The following ZNF407 variants were observed in gnomAD, a reference collection of about 807,000 sequenced individuals.
ZNF407 encodes zinc finger protein 407.
ZNF407 carries 17 observed loss-of-function variants against 131.2 expected under a neutral mutation model. The observed-to-expected ratio is 0.13, with a 90% CI of 0.09 to 0.19. The LOEUF is 0.19. ZNF407 is among the 10% of genes least tolerant of loss of function. The pLI is 1.00. For synonymous variants in ZNF407, 1,156 were observed against 1,062.0 expected, an observed-to-expected ratio of 1.09 and a Z score of -1.72; for missense variants, 2,681 against 2,830.6, an observed-to-expected ratio of 0.95 and a Z score of 1.20.
intron 3 of ZNF407, among the ~76,000 whole-genome samples, chr18:74,778,755 C>T (rs1450214441): frequency 2.0e-5 from 3 of 151,968 alleles, no homozygotes; most frequent in African/African-American, 7.3e-5. Context: ...ATGACTTGAA[C>T]GGTCTGTGTT....
rs527360978 is a variant in ZNF407, at chr18:74,891,700, A to G, written c.5249+1662A>G. 8.5e-5 allele frequency among the ~76,000 whole-genome samples: 13 copies of G among 152,318 alleles called. No individual in the cohort carries two copies. In the South Asian group the frequency reaches 2.1e-3, roughly 24 times the overall value. On this transcript the variant is annotated intron_variant, in intron 7 of 8. Coordinates refer to ENST00000299687, the MANE Select transcript of ZNF407 (RefSeq NM_017757.3). ...GCTCATAATATGGGTTCTTTAAAAA[A>G]CAAACATTATTAAATGTTCTTTTTC...
chr18:74,704,073 C>T (rs552331150), intron 3 of ZNF407, among the ~76,000 whole-genome samples: 1 of 152,236 alleles, frequency 6.6e-6, no homozygotes, highest in East Asian at 1.9e-4. Flanking sequence ...GACATTTCAT[C>T]TCATGTGTCC....
At chr18:74,963,663 CCA>C (rs1972375616) in intron 8 of ZNF407, among the ~76,000 whole-genome samples, 1 of 152,182 alleles carries the variant, frequency 6.6e-6, no homozygotes, top group African/African-American at 2.4e-5. Context: ...GCAAATTATT[CCA>C]CATTTTATTG....
At chr18:74,997,790 T>A (rs1241058587) in intron 8 of ZNF407, among the ~76,000 whole-genome samples, 1 of 152,214 alleles carries the variant, frequency 6.6e-6, no homozygotes. Context: ...CGTAGTCACT[T>A]TTTTTTACTT....
rs995450344 is a variant in ZNF407 at position 75,065,404 on chromosome 18, C to G, written c.*936C>G. On this transcript the variant is annotated 3_prime_UTR_variant, in exon 9 of 9. Transcript: ENST00000299687. ...ACATTAAACATTAACACATGGAGACCGTGCCCTGTGGCCCTGCCGTGGCTG... is the reference window on the plus strand; with the variant it reads ...ACATTAAACATTAACACATGGAGACGGTGCCCTGTGGCCCTGCCGTGGCTG... 3 of 152,326 alleles carry G rather than the reference C, an allele frequency of 2.0e-5. No homozygotes were observed. In the East Asian group the frequency reaches 5.8e-4, roughly 29 times the overall value. The allele number at this position is 152,326 out of a possible 1,614,324, so 9.4% of individuals were successfully genotyped here.
intron 3 of ZNF407, among the ~76,000 whole-genome samples, chr18:74,685,169 A>G (rs1036213655): frequency 3.3e-5 from 5 of 152,210 alleles, no homozygotes; most frequent in Non-Finnish European, 5.9e-5. Flanking sequence ...TATAAAGGTC[A>G]GGGAGATTAT....
intron 3 of ZNF407, among the ~76,000 whole-genome samples, chr18:74,645,163 T>A (rs956053944): frequency 2.0e-5 from 3 of 152,084 alleles, no homozygotes; most frequent in Admixed American, 1.3e-4. Flanking sequence ...AACATATTTG[T>A]ATAATAGCAG....
intron 4 of ZNF407, among the ~76,000 whole-genome samples, chr18:74,802,877 T>C (rs1003729634): frequency 6.6e-6 from 1 of 152,234 alleles, no homozygotes; most frequent in Non-Finnish European, 1.5e-5. Context: ...GTTCTGACAT[T>C]AAGCCAGCAA....
chr18:74,984,974 T>C (rs1972636124), intron 8 of ZNF407, among the ~76,000 whole-genome samples: 1 of 152,228 alleles, frequency 6.6e-6, no homozygotes, highest in Non-Finnish European at 1.5e-5. Flanking sequence ...TATATTACAG[T>C]ATTTTTAGAA....
chr18:74,775,848 A>G (rs1489167890), intron 3 of ZNF407, among the ~76,000 whole-genome samples: 3 of 152,142 alleles, frequency 2.0e-5, no homozygotes, highest in Non-Finnish European at 4.4e-5. Flanking sequence ...CATGTCTCAC[A>G]TGGCTGGAGC....
chr18:75,010,252 G>A (rs990556245), intron 8 of ZNF407, among the ~76,000 whole-genome samples: 5 of 152,094 alleles, frequency 3.3e-5, no homozygotes, highest in African/African-American at 7.2e-5. Flanking sequence ...GAGATTTGCC[G>A]AGAGAAAGGC....
At chr18:74,626,288 T>C (rs189201464) in intron 1 of ZNF407, among the ~76,000 whole-genome samples, 6 of 152,358 alleles carry the variant, frequency 3.9e-5, no homozygotes, top group Non-Finnish European at 7.3e-5. Context: ...ACAGGCACTT[T>C]GAAAATCAGT....
At chr18:74,916,142 C>T (rs1467889053) in intron 7 of ZNF407, among the ~76,000 whole-genome samples, 13 of 11,354 alleles carry the variant, frequency 1.1e-3, no homozygotes, top group Non-Finnish European at 1.5e-3. Context: ...TGTGTGTGTG[C>T]ATGCATGTGT....
intron 3 of ZNF407, among the ~76,000 whole-genome samples, chr18:74,701,173 C>T (rs1967484890): frequency 6.6e-6 from 1 of 152,074 alleles, no homozygotes; most frequent in African/African-American, 2.4e-5. Flanking sequence ...GGTCTGGCTC[C>T]AGAGCTGTGA....
At chr18:74,710,660 C>T (rs1252848679) in intron 3 of ZNF407, among the ~76,000 whole-genome samples, 1 of 152,158 alleles carries the variant, frequency 6.6e-6, no homozygotes, top group East Asian at 1.9e-4. Flanking sequence ...GTAAATACAC[C>T]TCACAGTGAT....
chr18:74,809,719 C>G (rs151131918), intron 4 of ZNF407, among the ~76,000 whole-genome samples: 1 of 152,160 alleles, frequency 6.6e-6, no homozygotes, highest in South Asian at 2.1e-4. Context: ...TTAAACAGTT[C>G]TTGCTTATGT....
intron 3 of ZNF407, among the ~76,000 whole-genome samples, chr18:74,704,961 C>T (rs1477317431): frequency 6.6e-6 from 1 of 152,124 alleles, no homozygotes; most frequent in African/African-American, 2.4e-5. Flanking sequence ...CTCTTTATCC[C>T]ACATAGACCC....
intron 4 of ZNF407, among the ~76,000 whole-genome samples, chr18:74,814,930 CAT>C (rs1970247050): frequency 6.6e-6 from 1 of 151,256 alleles, no homozygotes; most frequent in Non-Finnish European, 1.5e-5. Flanking sequence ...TTCAAAATAT[CAT>C]ATTATATAAT....
At chr18:74,838,838 T>C (rs17055718) in intron 4 of ZNF407, among the ~76,000 whole-genome samples, 12,206 of 152,268 alleles carry the variant, frequency 0.08, 632 homozygotes, top group South Asian at 0.18. Flanking sequence ...GGAGATCTTT[T>C]AGATGCTTTT....
Sources: gnomAD v4.1 joint callset for allele counts (sites outside exome capture counted in the v4.1 genomes callset) on GRCh38, gnomAD v4.1.1 for gene constraint, MANE v1.5 for transcripts, NCBI Gene and HGNC (gene_info 2026-07-23, HGNC 2026-07-21) for gene names.